Variants in VPS35L observed in about 807,000 individuals in gnomAD.
The protein encoded by VPS35L is VPS35 endosomal protein sorting factor like, also known as VPS35 endosomal protein-sorting factor-like.
In VPS35L, 83 loss-of-function variants were observed where a neutral mutation model predicts 133.0. That is an observed-to-expected ratio of 0.62 (90% confidence interval 0.52 to 0.75). The LOEUF is 0.75. Among genes scored for constraint, VPS35L ranks in the 30% least tolerant of loss-of-function variants. VPS35L has a pLI of 0.00. For missense variants in VPS35L, 1,083 were observed against 1,206.8 expected (o/e 0.90, Z 1.52); for synonymous variants, 423 against 449.9 (o/e 0.94, Z 0.76).
At position 19,591,050 on chromosome 16, in the gene VPS35L, C is replaced by T. The variant is rs796684384; in HGVS notation, c.640-740C>T. On this transcript the variant is annotated intron_variant, in intron 7 of 30. Coordinates refer to ENST00000417362, the MANE Select transcript of VPS35L (RefSeq NM_020314.7). ...GAGAATGTAGAATTCAGCAATTCCC[C>T]GCAAAGCTGAAATGTTTTCAGCATT... Among the ~76,000 whole-genome samples the T allele has an allele frequency of 3.3e-5, 5 of 152,100 alleles. No individual in the cohort carries two copies. In the South Asian group the frequency reaches 6.2e-4, roughly 19 times the overall value.
chr16:19,570,877 A>ATTTTTT (rs1567388802), intron 3 of VPS35L, among the ~76,000 whole-genome samples: 6 of 53,704 alleles, frequency 1.1e-4, no homozygotes, highest in African/African-American at 4.9e-4. Context: ...ATATATATAT[A>ATTTTTT]TATATATATA....
rs1972597492 is a variant in VPS35L at position 19,608,264 on chromosome 16, A to G, written c.871A>G (p.Ile291Val). Reference protein sequence around the residue: ...FFKIASIRELIPRFYVEASIL... With the variant: ...FFKIASIRELVPRFYVEASIL... Reference sequence around the variant, plus strand: ...CAAGATTGCCTCCATCAGGGAACTCATTCCAAGATTGTATCCTTTTTTTTT... The same window carrying G: ...CAAGATTGCCTCCATCAGGGAACTCGTTCCAAGATTGTATCCTTTTTTTTT... The change falls in exon 10 of 31, where the codon ATT (isoleucine) becomes GTT (valine). Residue 291 changes from isoleucine to valine, a missense_variant. Physicochemically the swap from Ile to Val is conservative, Grantham distance 29 (BLOSUM62 3). Coordinates refer to ENST00000417362, the MANE Select transcript of VPS35L (RefSeq NM_020314.7). 1 of 1,584,464 alleles carries G rather than the reference A, an allele frequency of 6.3e-7. No individual in the cohort carries two copies. The highest frequency in any genetic ancestry group is 8.6e-7 in the Non-Finnish European group (1 of 1,159,176).
intron 8 of VPS35L, among the ~76,000 whole-genome samples, chr16:19,596,524 C>A (rs1972221376): frequency 6.6e-6 from 1 of 151,996 alleles, no homozygotes; most frequent in African/African-American, 2.4e-5. Context: ...ATCCTCCCAC[C>A]TTGGCCTCCC....
intron 14 of VPS35L, among the ~76,000 whole-genome samples, chr16:19,621,956 AT>A: frequency 6.6e-6 from 1 of 151,876 alleles, no homozygotes; most frequent in South Asian, 2.1e-4. Flanking sequence ...AGGAGGTCTC[AT>A]TTATGTGTGT....
intron 29 of VPS35L, among the ~76,000 whole-genome samples, chr16:19,695,087 G>A (rs1198245438): frequency 2.0e-5 from 3 of 151,782 alleles, no homozygotes; most frequent in Non-Finnish European, 4.4e-5. Context: ...GATTCTGGGC[G>A]TAAGCCGCCA....
At chr16:19,671,516 C>G (rs1303476903) in intron 27 of VPS35L, among the ~76,000 whole-genome samples, 2 of 147,118 alleles carry the variant, frequency 1.4e-5, no homozygotes, top group Admixed American at 1.4e-4. Context: ...ATGGCTCACT[C>G]CAGTAATCCC....
At chr16:19,693,074 C>A (rs928875117) in intron 29 of VPS35L, among the ~76,000 whole-genome samples, 1 of 152,188 alleles carries the variant, frequency 6.6e-6, no homozygotes, top group Non-Finnish European at 1.5e-5. Context: ...GTGACTGTGT[C>A]CTACTGACCC....
At chr16:19,684,223 G>T (rs934332069) in intron 28 of VPS35L, among the ~76,000 whole-genome samples, 1 of 152,070 alleles carries the variant, frequency 6.6e-6, no homozygotes, top group Non-Finnish European at 1.5e-5. Context: ...CTTACCACAG[G>T]ACATCCCAGT....
At chr16:19,657,840 A>G (rs1974356019) in intron 26 of VPS35L, among the ~76,000 whole-genome samples, 1 of 152,174 alleles carries the variant, frequency 6.6e-6, no homozygotes, top group Non-Finnish European at 1.5e-5. Flanking sequence ...TTAAGTTCCT[A>G]TTTAGTTTAG....
intron 6 of VPS35L, among the ~76,000 whole-genome samples, chr16:19,580,250 A>G (rs1971668158): frequency 6.6e-6 from 1 of 150,954 alleles, no homozygotes; most frequent in Non-Finnish European, 1.5e-5. Context: ...AGTAACTGGG[A>G]TTACAGGCAC....
intron 28 of VPS35L, among the ~76,000 whole-genome samples, chr16:19,690,873 G>C (rs543797321): frequency 6.6e-6 from 1 of 152,220 alleles, no homozygotes; most frequent in South Asian, 2.1e-4. Context: ...TGAGGCAGGA[G>C]GACTGCTTGA....
At chr16:19,584,627 CAAAA>C (rs34652566) in intron 7 of VPS35L, among the ~76,000 whole-genome samples, 1 of 102,872 alleles carries the variant, frequency 9.7e-6, no homozygotes. Flanking sequence ...AACTCTGTCT[CAAAA>C]AAAAAAAAAA....
At chr16:19,680,957 G>A (rs1398398536) in intron 27 of VPS35L, among the ~76,000 whole-genome samples, 1 of 147,046 alleles carries the variant, frequency 6.8e-6, no homozygotes, top group African/African-American at 2.6e-5. Context: ...TGAAGAGAGA[G>A]TAAGAGGACT....
At chr16:19,636,487 A>G (rs16972275) in intron 19 of VPS35L, among the ~76,000 whole-genome samples, 11,019 of 152,240 alleles carry the variant, frequency 0.072, 882 homozygotes, top group African/African-American at 0.19. Context: ...TAGGTGCTTT[A>G]TGCTTCAGAA....
At chr16:19,589,853 G>T (rs924224682) in intron 7 of VPS35L, among the ~76,000 whole-genome samples, 5 of 152,086 alleles carry the variant, frequency 3.3e-5, no homozygotes, top group African/African-American at 1.2e-4. Flanking sequence ...TCACCAGTGG[G>T]CAGTAACTCA....
intron 24 of VPS35L, among the ~76,000 whole-genome samples, chr16:19,649,271 A>G (rs1322488246): frequency 3.9e-5 from 6 of 152,186 alleles, no homozygotes; most frequent in African/African-American, 1.2e-4. Flanking sequence ...GATTACAGGC[A>G]TAAACATCAA....
At chr16:19,584,644 A>AG (rs1491205519) in intron 7 of VPS35L, among the ~76,000 whole-genome samples, 1 of 150,384 alleles carries the variant, frequency 6.6e-6, no homozygotes, top group Non-Finnish European at 1.5e-5. Flanking sequence ...AAAAAAAAAA[A>AG]GAGTTTCCTT....
chr16:19,674,184 C>CTTTCTTTTTTTTTTTTTTTTTTTT (rs764022611), intron 27 of VPS35L, among the ~76,000 whole-genome samples: 3 of 70,906 alleles, frequency 4.2e-5, no homozygotes, highest in African/African-American at 1.9e-4. Flanking sequence ...TTTTCTTTTT[C>CTTTCTTTTTTTTTTTTTTTTTTTT]TTTTTTTTTT....
chr16:19,573,460 A>C, intron 4 of VPS35L: 1 of 448,392 alleles, frequency 2.2e-6, no homozygotes, highest in Middle Eastern at 6.4e-4. Context: ...AGGATCAGGG[A>C]TGTGGCACAG....
Sources: gnomAD v4.1 joint callset for allele counts (sites outside exome capture counted in the v4.1 genomes callset) on GRCh38, gnomAD v4.1.1 for gene constraint, MANE v1.5 for transcripts, NCBI Gene and HGNC (gene_info 2026-07-23, HGNC 2026-07-21) for gene names.